The following SLC24A2 variants were observed in gnomAD, a reference collection of about 807,000 sequenced individuals.
SLC24A2 encodes the protein sodium/potassium/calcium exchanger 2.
Under a neutral mutation model 62.0 loss-of-function variants are expected in SLC24A2, and 36 were observed. That is an observed-to-expected ratio of 0.58 (90% CI 0.44 to 0.77). SLC24A2 has a LOEUF of 0.77. SLC24A2 is among the 30% of genes least tolerant of loss of function. SLC24A2 has a pLI of 0.00. For synonymous variants in SLC24A2, 358 were observed against 294.0 expected (o/e 1.22, Z -2.23); for missense variants, 846 against 817.9 (o/e 1.03, Z -0.42).
At chr9:19,604,344 C>T (rs1836926369) in intron 4 of SLC24A2, among the ~76,000 whole-genome samples, 1 of 152,092 alleles carries the variant, frequency 6.6e-6, no homozygotes. Context: ...TCAGGAGAGT[C>T]CTCAGCACAC....
chr9:19,522,311 A>C (rs1833241578), intron 9 of SLC24A2, among the ~76,000 whole-genome samples: 1 of 152,096 alleles, frequency 6.6e-6, no homozygotes. Context: ...TGGGACTTTT[A>C]AAACCTATTC....
intron 2 of SLC24A2, among the ~76,000 whole-genome samples, chr9:19,731,516 C>CTCCGT (rs72153360): frequency 3.7e-4 from 42 of 113,710 alleles, no homozygotes; most frequent in African/African-American, 1.0e-3. Context: ...TCTCTCTCTC[C>CTCCGT]GTGTGTGTGT....
At chr9:20,106,766 G>A in the SLC24A2 span, among the ~76,000 whole-genome samples, 17 of 152,096 alleles carry the variant, frequency 1.1e-4, no homozygotes, top group Non-Finnish European at 2.5e-4. Flanking sequence ...AAAACTGGAA[G>A]CATTCCCTTT....
At chr9:19,635,091 T>G (rs939036768) in intron 2 of SLC24A2, among the ~76,000 whole-genome samples, 1 of 152,230 alleles carries the variant, frequency 6.6e-6, no homozygotes, top group Non-Finnish European at 1.5e-5. Flanking sequence ...TGAAAACAGA[T>G]GTAGCCTCAC....
chr9:20,108,706 G>T, the SLC24A2 span, among the ~76,000 whole-genome samples: 6 of 148,988 alleles, frequency 4.0e-5, no homozygotes, highest in Non-Finnish European at 8.9e-5. Context: ...TGTCGGGTTG[G>T]GGGAGGGGGG....
At chr9:19,989,843 G>T in the SLC24A2 span, among the ~76,000 whole-genome samples, 3 of 152,184 alleles carry the variant, frequency 2.0e-5, no homozygotes, top group African/African-American at 7.2e-5. Context: ...CTGCATAATG[G>T]TCTCTTGGAG....
the SLC24A2 span, among the ~76,000 whole-genome samples, chr9:20,297,239 A>T: frequency 6.6e-6 from 1 of 152,124 alleles, no homozygotes; most frequent in African/African-American, 2.4e-5. Context: ...CTCCAGGAAA[A>T]CCTGAAGGGA....
chr9:19,794,968 G>T, the SLC24A2 span, among the ~76,000 whole-genome samples: 1 of 152,122 alleles, frequency 6.6e-6, no homozygotes, highest in East Asian at 1.9e-4. Flanking sequence ...ATAAAATAAA[G>T]CTTAAAATAC....
the SLC24A2 span, among the ~76,000 whole-genome samples, chr9:19,838,555 C>T: frequency 1.3e-5 from 2 of 151,216 alleles, no homozygotes; most frequent in East Asian, 1.9e-4. Flanking sequence ...AAGAGAATTG[C>T]TTGAACTTGG....
the SLC24A2 span, among the ~76,000 whole-genome samples, chr9:20,009,029 G>T: frequency 6.6e-6 from 1 of 152,184 alleles, no homozygotes; most frequent in African/African-American, 2.4e-5. Context: ...AATGGTAAGA[G>T]AAATGGTTCT....
At chr9:20,041,619 C>T in the SLC24A2 span, among the ~76,000 whole-genome samples, 5 of 152,272 alleles carry the variant, frequency 3.3e-5, no homozygotes, top group African/African-American at 9.6e-5. Flanking sequence ...AAGACATGGA[C>T]CCAACCCAAC....
the SLC24A2 span, among the ~76,000 whole-genome samples, chr9:20,036,928 G>A: frequency 1.2e-5 from 1 of 80,890 alleles, no homozygotes; most frequent in African/African-American, 6.1e-5. Context: ...ATGGAGTTTT[G>A]CTCGTTACCC....
chr9:19,824,372 C>A, the SLC24A2 span, among the ~76,000 whole-genome samples: 1 of 152,086 alleles, frequency 6.6e-6, no homozygotes, highest in Non-Finnish European at 1.5e-5. Context: ...TATGAACAAA[C>A]AATTCTCAAA....
chr9:20,102,409 G>A, the SLC24A2 span, among the ~76,000 whole-genome samples: 1 of 149,040 alleles, frequency 6.7e-6, no homozygotes, highest in Non-Finnish European at 1.5e-5. Flanking sequence ...ACCACACACT[G>A]CATGTTCCCA....
Position 19,786,119 on chromosome 9 carries a change from T to A in SLC24A2, c.748A>T (p.Ile250Phe). The change falls in exon 2 of 11, where the codon ATC becomes TTC. Residue 250 changes from isoleucine to phenylalanine, a missense_variant. Transcript: ENST00000341998. The surrounding 1 kb of genome is among the most constrained non-coding windows in gnomAD (Gnocchi z 5.0). ...RDVSFYIVDL[I>F]MLIIFFLDNV... ...TCCAGGAAAAATATGATCAGCATGA[T>A]CAAGTCAACAATGTAGAAAGACACA... 6.2e-7 allele frequency: 1 copy of A among 1,614,176 alleles called. No homozygotes were observed. The highest frequency in any genetic ancestry group is 8.5e-7 in the Non-Finnish European group (1 of 1,180,018).
chr9:20,135,743 A>T, the SLC24A2 span, among the ~76,000 whole-genome samples: 1 of 152,128 alleles, frequency 6.6e-6, no homozygotes, highest in Admixed American at 6.6e-5. Context: ...TTTTAATTTT[A>T]ATTTCTGAGA....
At chr9:19,559,343 A>G (rs1835278065) in intron 7 of SLC24A2, among the ~76,000 whole-genome samples, 1 of 152,220 alleles carries the variant, frequency 6.6e-6, no homozygotes, top group South Asian at 2.1e-4. Context: ...AGTGATATCA[A>G]TAATTTCTTA....
the SLC24A2 span, among the ~76,000 whole-genome samples, chr9:20,006,434 T>A: frequency 6.6e-6 from 1 of 151,920 alleles, no homozygotes; most frequent in African/African-American, 2.4e-5. Context: ...CAGTCAAAAA[T>A]AATTTATTGT....
At chr9:19,732,113 TA>T (rs5896860) in intron 2 of SLC24A2, among the ~76,000 whole-genome samples, 124,875 of 151,600 alleles carry the variant, frequency 0.82, 51,618 homozygotes, top group East Asian at 0.99. Flanking sequence ...CTTGTTTTGT[TA>T]AAAAAAAAAC....
Sources: allele counts gnomAD v4.1 joint callset (sites outside exome capture counted in the v4.1 genomes callset), GRCh38; gene constraint gnomAD v4.1.1; non-coding constraint Gnocchi (gnomAD v3.1); transcripts MANE v1.5; gene names NCBI Gene and HGNC (gene_info 2026-07-23, HGNC 2026-07-21).